The following SUGCT variants were observed in gnomAD, a reference collection of about 807,000 sequenced individuals.
SUGCT encodes succinyl-CoA:glutarate CoA-transferase.
Under a neutral mutation model 55.0 loss-of-function variants are expected in SUGCT, and 41 were observed. That is an observed-to-expected ratio of 0.74 (90% CI 0.58 to 0.97). The LOEUF (loss-of-function observed/expected upper bound fraction) is 0.97. Among genes scored for constraint, SUGCT ranks in the 50% least tolerant of loss-of-function variants. The probability of loss-of-function intolerance (pLI) is 0.00; values close to 1 mark genes in which losing one functional copy is unlikely to be tolerated. For synonymous variants in SUGCT, 187 were observed against 200.4 expected (o/e 0.93, Z 0.56); for missense variants, 568 against 547.8 (o/e 1.04, Z -0.37).
intron 6 of SUGCT, among the ~76,000 whole-genome samples, chr7:40,228,738 C>T (rs1013343939): frequency 1.3e-5 from 2 of 152,116 alleles, no homozygotes; most frequent in Admixed American, 1.3e-4. Flanking sequence ...GACTCTTTCT[C>T]TGATCAGTTA....
In SUGCT at chr7:40,826,545, T is replaced by C. The variant is rs563302796; in HGVS notation, c.1154-33771T>C. Among the ~76,000 whole-genome samples, 17 of 152,290 alleles carry C rather than the reference T, an allele frequency of 1.1e-4. 1 individual carries two copies. In the South Asian group the frequency reaches 3.5e-3, roughly 32 times the overall value. On this transcript the variant is annotated intron_variant, in intron 13 of 13. Transcript: ENST00000335693. ...GTTTGCTATAAACATTTTGCAAGCA[T>C]TGGGTGAAGAAGCTAAGCCTCTGGG...
chr7:40,135,254 C>A, intron 1 of SUGCT, 134 bp downstream of exon 1: 1 of 1,143,018 alleles, frequency 8.7e-7, no homozygotes, highest in Non-Finnish European at 1.2e-6. Context: ...CGCCTCCCTG[C>A]AACCCCGTTC....
At position 40,564,731 on chromosome 7, in the gene SUGCT, A is replaced by G. The variant is rs373446226; in HGVS notation, c.1089+68345A>G. ...GATACTTGTAATGTGACTGTCTTCT[A>G]GGAGGGGCTTGGCCTAACTTCTTGT... On this transcript the variant is annotated intron_variant, in intron 12 of 13. Transcript: ENST00000335693. Among the ~76,000 whole-genome samples the G allele has an allele frequency of 1.6e-4, 25 of 152,306 alleles. 2 individuals carry two copies. The highest frequency in any genetic ancestry group is 1.2e-3 in the Admixed American group (18 of 15,300).
intron 7 of SUGCT, among the ~76,000 whole-genome samples, chr7:40,242,803 C>T (rs1021797750): frequency 1.3e-5 from 2 of 149,728 alleles, no homozygotes; most frequent in African/African-American, 2.5e-5. Context: ...TAGGAAAGAC[C>T]GTGGTCCTTG....
intron 12 of SUGCT, among the ~76,000 whole-genome samples, chr7:40,541,682 TTAGAG>T (rs1367008474): frequency 4.6e-5 from 7 of 152,142 alleles, no homozygotes; most frequent in African/African-American, 1.7e-4. Context: ...ATGAAATATA[TTAGAG>T]TAGTTTCCTG....
intron 12 of SUGCT, among the ~76,000 whole-genome samples, chr7:40,656,069 AT>A (rs1801007261): frequency 6.6e-6 from 1 of 152,142 alleles, no homozygotes; most frequent in Admixed American, 6.6e-5. Context: ...ATGCTATACA[AT>A]TTAATATAAT....
intron 12 of SUGCT, among the ~76,000 whole-genome samples, chr7:40,665,321 A>C (rs1218754375): frequency 6.6e-6 from 1 of 152,014 alleles, no homozygotes; most frequent in African/African-American, 2.4e-5. Flanking sequence ...GTGCGCCTGC[A>C]ATCCCAGCTA....
intron 13 of SUGCT, among the ~76,000 whole-genome samples, chr7:40,756,001 T>C (rs1788235222): frequency 6.6e-6 from 1 of 152,214 alleles, no homozygotes; most frequent in Non-Finnish European, 1.5e-5. Context: ...GTCACCACCA[T>C]GCATTAGTGT....
At chr7:40,421,240 C>T (rs1418774126) in intron 9 of SUGCT, among the ~76,000 whole-genome samples, 1 of 152,164 alleles carries the variant, frequency 6.6e-6, no homozygotes, top group African/African-American at 2.4e-5. Flanking sequence ...TGGGGACTTT[C>T]CTAGCCTCTA....
intron 8 of SUGCT, among the ~76,000 whole-genome samples, chr7:40,296,598 C>G (rs1364000815): frequency 6.9e-6 from 1 of 144,360 alleles, no homozygotes; most frequent in Non-Finnish European, 1.5e-5. Flanking sequence ...GGGAGAGAGA[C>G]AGAGTGAGTG....
intron 6 of SUGCT, among the ~76,000 whole-genome samples, chr7:40,229,625 C>T (rs1187805462): frequency 6.6e-6 from 1 of 151,778 alleles, no homozygotes; most frequent in Non-Finnish European, 1.5e-5. Flanking sequence ...CCATCCTGGC[C>T]AACATGGTGA....
At chr7:41,014,232 A>G in the SUGCT span, among the ~76,000 whole-genome samples, 2 of 152,176 alleles carry the variant, frequency 1.3e-5, no homozygotes, top group Non-Finnish European at 2.9e-5. Context: ...AATGTTTTAC[A>G]TGAGAATGTT....
rs577479225 is a variant in SUGCT at position 40,530,981 on chromosome 7, G to A, written c.1089+34595G>A. ...GGAATAATAAACAAGTAAATATAAG[G>A]GTAAAATTTGTATAAGTTTATCTTG... On this transcript the variant is annotated intron_variant, in intron 12 of 13. Transcript: ENST00000335693. Among the ~76,000 whole-genome samples, 120 of 152,212 alleles carry A rather than the reference G, an allele frequency of 7.9e-4. 1 individual carries two copies. The highest frequency in any genetic ancestry group is 2.3e-3 in the Admixed American group (35 of 15,288).
At chr7:41,009,002 CA>C in the SUGCT span, among the ~76,000 whole-genome samples, 1 of 151,210 alleles carries the variant, frequency 6.6e-6, no homozygotes, top group Admixed American at 6.6e-5. Flanking sequence ...GTGGTATGAG[CA>C]AAAAAGGGAC....
chr7:40,200,958 A>G (rs1286223056), intron 6 of SUGCT, among the ~76,000 whole-genome samples: 1 of 152,242 alleles, frequency 6.6e-6, no homozygotes, highest in Non-Finnish European at 1.5e-5. Context: ...TTCATATCAC[A>G]GCAACGGGAA....
the SUGCT span, among the ~76,000 whole-genome samples, chr7:41,009,563 T>A: frequency 1.3e-5 from 2 of 151,646 alleles, no homozygotes; most frequent in South Asian, 2.1e-4. Context: ...CCATCCATCC[T>A]TCCTTCCATC....
chr7:40,553,950 A>T (rs764217081), intron 12 of SUGCT, among the ~76,000 whole-genome samples: 8 of 152,236 alleles, frequency 5.3e-5, no homozygotes, highest in Non-Finnish European at 1.0e-4. Flanking sequence ...TAAAATGGTG[A>T]TAACAATGAC....
At chr7:40,515,937 A>G (rs1270140997) in intron 12 of SUGCT, among the ~76,000 whole-genome samples, 1 of 152,232 alleles carries the variant, frequency 6.6e-6, no homozygotes, top group African/African-American at 2.4e-5. Context: ...TCCACCAGCA[A>G]TGTGTGAGGC....
chr7:40,468,933 G>A (rs1189083982), intron 11 of SUGCT, among the ~76,000 whole-genome samples: 1 of 152,158 alleles, frequency 6.6e-6, no homozygotes, highest in Non-Finnish European at 1.5e-5. Flanking sequence ...GCTGAGAGCA[G>A]TTAGGAGCCC....
Sources: gnomAD v4.1 joint callset for allele counts (sites outside exome capture counted in the v4.1 genomes callset) on GRCh38, gnomAD v4.1.1 for gene constraint, MANE v1.5 for transcripts, NCBI Gene and HGNC (gene_info 2026-07-23, HGNC 2026-07-21) for gene names.